Variants in ATP8A2 observed in about 807,000 individuals in gnomAD.
ATP8A2 encodes the protein ATPase phospholipid transporting 8A2.
ATP8A2 carries 100 observed loss-of-function variants against 165.6 expected under a neutral mutation model. The observed-to-expected ratio is 0.60, with a 90% CI of 0.51 to 0.71. ATP8A2 has a LOEUF of 0.71. ATP8A2 is among the 30% of genes least tolerant of loss of function. The pLI, the probability that ATP8A2 is intolerant of heterozygous loss-of-function variation, is 0.00. For synonymous variants in ATP8A2, 543 were observed against 548.8 expected (o/e 0.99, Z 0.15); for missense variants, 1,227 against 1,479.5 (o/e 0.83, Z 2.80).
chr13:25,789,898 C>G (rs1487187348), intron 27 of ATP8A2, among the ~76,000 whole-genome samples: 1 of 152,156 alleles, frequency 6.6e-6, no homozygotes, highest in Non-Finnish European at 1.5e-5. Context: ...ACCAAGGGAA[C>G]AGAATAGAGA....
At chr13:25,431,017 T>TAC (rs200780545) in intron 1 of ATP8A2, among the ~76,000 whole-genome samples, 2 of 151,968 alleles carry the variant, frequency 1.3e-5, no homozygotes, top group African/African-American at 4.8e-5. Flanking sequence ...CACACATATA[T>TAC]ATACACACAC....
intron 25 of ATP8A2, among the ~76,000 whole-genome samples, chr13:25,761,435 G>A (rs754854783): frequency 1.2e-4 from 19 of 152,074 alleles, no homozygotes; most frequent in South Asian, 2.1e-4. Flanking sequence ...GCATTCTATT[G>A]TGGTGGAATC....
chr13:25,489,902 C>T, intron 2 of ATP8A2, among the ~76,000 whole-genome samples: 1 of 152,182 alleles, frequency 6.6e-6, no homozygotes, highest in African/African-American at 2.4e-5. Context: ...TGGATATCTA[C>T]CCTCAAATGG....
At chr13:25,429,371 T>TAA (rs751056483) in intron 1 of ATP8A2, among the ~76,000 whole-genome samples, 7 of 126,000 alleles carry the variant, frequency 5.6e-5, no homozygotes, top group African/African-American at 1.1e-4. Flanking sequence ...GACTCCATCT[T>TAA]AAAAAAAAAA....
chr13:25,731,901 C>T (rs2043656838), intron 25 of ATP8A2, among the ~76,000 whole-genome samples: 1 of 152,188 alleles, frequency 6.6e-6, no homozygotes, highest in Admixed American at 6.5e-5. Context: ...AAAGCTTAAG[C>T]TCTGAAAATG....
chr13:25,943,816 G>A (rs1409555417), intron 33 of ATP8A2, among the ~76,000 whole-genome samples: 1 of 151,954 alleles, frequency 6.6e-6, no homozygotes, highest in Non-Finnish European at 1.5e-5. Flanking sequence ...TCTATTCATG[G>A]ATAAGCTGCA....
chr13:25,641,981 A>G (rs2041537337), intron 24 of ATP8A2, among the ~76,000 whole-genome samples: 1 of 152,232 alleles, frequency 6.6e-6, no homozygotes, highest in Non-Finnish European at 1.5e-5. Context: ...GACAAACCTG[A>G]CAGAAACAAG....
intron 25 of ATP8A2, among the ~76,000 whole-genome samples, chr13:25,761,399 A>T (rs2044375577): frequency 6.6e-6 from 1 of 152,188 alleles, no homozygotes; most frequent in African/African-American, 2.4e-5. Flanking sequence ...TTAAATAGTC[A>T]TTTGTAGTGC....
intron 24 of ATP8A2, among the ~76,000 whole-genome samples, chr13:25,637,783 A>G (rs1005385980): frequency 2.6e-5 from 4 of 152,190 alleles, no homozygotes; most frequent in African/African-American, 9.7e-5. Context: ...ATGGAGTTTG[A>G]GATCTGAGAA....
intron 28 of ATP8A2, among the ~76,000 whole-genome samples, chr13:25,829,998 G>A (rs552198194): frequency 1.3e-5 from 2 of 150,142 alleles, no homozygotes; most frequent in African/African-American, 4.9e-5. Flanking sequence ...CAGACATATT[G>A]CAGTTTTTGC....
intron 25 of ATP8A2, among the ~76,000 whole-genome samples, chr13:25,702,032 G>A (rs1200787541): frequency 1.3e-5 from 2 of 151,940 alleles, no homozygotes; most frequent in Non-Finnish European, 2.9e-5. Flanking sequence ...TTAAAAAAAA[G>A]AAAAAAGCAC....
intron 35 of ATP8A2, among the ~76,000 whole-genome samples, chr13:25,983,330 G>A (rs781731767): frequency 1.3e-5 from 2 of 152,172 alleles, no homozygotes; most frequent in Non-Finnish European, 2.9e-5. Context: ...AATAGAGCTA[G>A]CAGTAAAGTC....
At chr13:25,557,986 C>T (rs934257241) in intron 13 of ATP8A2, among the ~76,000 whole-genome samples, 2 of 152,134 alleles carry the variant, frequency 1.3e-5, no homozygotes, top group Non-Finnish European at 2.9e-5. Flanking sequence ...TCACTGCAAC[C>T]TCTGCCTCCT....
At chr13:25,824,393 A>C (rs1040412509) in intron 27 of ATP8A2, among the ~76,000 whole-genome samples, 2 of 152,248 alleles carry the variant, frequency 1.3e-5, no homozygotes, top group Non-Finnish European at 2.9e-5. Context: ...CGTTGCAAAG[A>C]AAATTCACTT....
chr13:25,624,960 A>G (rs1401572831), intron 24 of ATP8A2, among the ~76,000 whole-genome samples: 1 of 152,212 alleles, frequency 6.6e-6, no homozygotes, highest in Non-Finnish European at 1.5e-5. Context: ...AATTATCTCT[A>G]AAGATATAAA....
At chr13:25,509,105 CTGAGGT>C (rs2037139934) in intron 2 of ATP8A2, among the ~76,000 whole-genome samples, 1 of 152,152 alleles carries the variant, frequency 6.6e-6, no homozygotes. Flanking sequence ...ACCTCTGCAT[CTGAGGT>C]TATGATATGG....
At chr13:25,491,998 C>CT (rs1184002337) in intron 2 of ATP8A2, among the ~76,000 whole-genome samples, 9 of 151,946 alleles carry the variant, frequency 5.9e-5, no homozygotes, top group Non-Finnish European at 1.0e-4. Flanking sequence ...GCTTTATTCT[C>CT]TTTTTTTTGG....
intron 29 of ATP8A2, 139 bp from the exon 30 acceptor site, chr13:25,839,406 TC>T: frequency 1.3e-5 from 8 of 627,832 alleles, no homozygotes; most frequent in Middle Eastern, 4.5e-4. Flanking sequence ...TTTTTTTTTT[TC>T]AAATTCAAGA....
intron 24 of ATP8A2, among the ~76,000 whole-genome samples, chr13:25,692,885 TGTTTAATTG>T (rs1456115711): frequency 6.6e-6 from 1 of 152,364 alleles, no homozygotes; most frequent in Admixed American, 6.5e-5. Flanking sequence ...ATTATGCGTT[TGTTTAATTG>T]TGAAGGAAAA....
Sources: gnomAD v4.1 joint callset for allele counts (sites outside exome capture counted in the v4.1 genomes callset) on GRCh38, gnomAD v4.1.1 for gene constraint, MANE v1.5 for transcripts, NCBI Gene and HGNC (gene_info 2026-07-23, HGNC 2026-07-21) for gene names.